ANO10: variants seen among roughly 807,000 people sequenced by gnomAD.
ANO10 encodes the protein anoctamin 10.
Under a neutral mutation model 74.7 loss-of-function variants are expected in ANO10, and 77 were observed. The ratio of observed to expected loss-of-function variants is 1.03; its 90% CI spans 0.86 to 1.25. The LOEUF is 1.25. Ranked by LOEUF, ANO10 falls within the 50% of genes most tolerant of loss-of-function variation. ANO10 has a pLI of 0.00. For synonymous variants in ANO10, 279 were observed against 284.9 expected, an observed-to-expected ratio of 0.98 and a Z score of 0.21; for missense variants, 721 against 778.1, an observed-to-expected ratio of 0.93 and a Z score of 0.87.
intron 1 of ANO10, among the ~76,000 whole-genome samples, chr3:43,643,161 A>T (rs981834631): frequency 6.6e-6 from 1 of 151,430 alleles, no homozygotes; most frequent in Non-Finnish European, 1.5e-5. Flanking sequence ...CCTCCCGAGT[A>T]GCTGGGACTA....
chr3:43,438,619 C>T (rs2093111492), intron 11 of ANO10, among the ~76,000 whole-genome samples: 1 of 151,844 alleles, frequency 6.6e-6, no homozygotes, highest in African/African-American at 2.4e-5. Flanking sequence ...TGGTGGCAGC[C>T]ACCTGTAATC....
At chr3:43,378,129 CACA>C (rs1469855608) in intron 12 of ANO10, among the ~76,000 whole-genome samples, 2 of 152,234 alleles carry the variant, frequency 1.3e-5, no homozygotes, top group Non-Finnish European at 2.9e-5. Flanking sequence ...TCAGTTTCAA[CACA>C]ACTTAGTAAA....
chr3:43,551,924 A>C (rs974595314), intron 10 of ANO10, among the ~76,000 whole-genome samples: 20 of 152,144 alleles, frequency 1.3e-4, no homozygotes, highest in Admixed American at 2.6e-4. Flanking sequence ...TTTACAGGTA[A>C]TGTAGTTATT....
At chr3:43,538,873 G>A (rs2078833560) in intron 11 of ANO10, among the ~76,000 whole-genome samples, 1 of 152,176 alleles carries the variant, frequency 6.6e-6, no homozygotes, top group Non-Finnish European at 1.5e-5. Flanking sequence ...CTCACAATAA[G>A]AAGATACAGT....
chr3:43,407,124 G>T (rs189163301), intron 12 of ANO10, among the ~76,000 whole-genome samples: 21 of 152,192 alleles, frequency 1.4e-4, no homozygotes, highest in Admixed American at 1.3e-3. Flanking sequence ...GGCTGGTCTG[G>T]AACTCTTGAC....
chr3:43,679,294 T>A (rs1559398766), intron 1 of ANO10, among the ~76,000 whole-genome samples: 1 of 152,178 alleles, frequency 6.6e-6, no homozygotes, highest in Non-Finnish European at 1.5e-5. Context: ...GGAGATTATA[T>A]CCCGTGCATG....
chr3:43,667,205 C>A (rs1334020602), intron 1 of ANO10, among the ~76,000 whole-genome samples: 1 of 150,406 alleles, frequency 6.6e-6, no homozygotes, highest in Non-Finnish European at 1.5e-5. Flanking sequence ...ATTCTCCTGC[C>A]TCAGCCTCCT....
At chr3:43,378,670 C>A (rs186441896) in intron 12 of ANO10, among the ~76,000 whole-genome samples, 1 of 152,280 alleles carries the variant, frequency 6.6e-6, no homozygotes, top group East Asian at 1.9e-4. Flanking sequence ...CCCTTCCCCC[C>A]AGAGCAGGGC....
intron 11 of ANO10, among the ~76,000 whole-genome samples, chr3:43,472,935 T>C (rs1407146101): frequency 1.3e-5 from 2 of 152,218 alleles, no homozygotes; most frequent in Non-Finnish European, 2.9e-5. Context: ...TGTATGTGCA[T>C]GTATATACAT....
intron 1 of ANO10, among the ~76,000 whole-genome samples, chr3:43,688,908 T>C (rs374595740): frequency 6.6e-6 from 1 of 151,714 alleles, no homozygotes; most frequent in East Asian, 1.9e-4. Context: ...AATTGGCTCA[T>C]GGTTCTGCAG....
intron 11 of ANO10, among the ~76,000 whole-genome samples, chr3:43,461,226 A>G (rs920489143): frequency 1.3e-5 from 2 of 152,226 alleles, no homozygotes; most frequent in African/African-American, 4.8e-5. Context: ...CCATAACAAG[A>G]AAATAATGTG....
chr3:43,596,932 C>A (rs575677890), intron 4 of ANO10, among the ~76,000 whole-genome samples: 60 of 152,266 alleles, frequency 3.9e-4, no homozygotes, highest in African/African-American at 1.4e-3. Flanking sequence ...AATCAAACAA[C>A]CCCATCGAAA....
At chr3:43,494,658 T>C (rs1314571153) in intron 11 of ANO10, among the ~76,000 whole-genome samples, 3 of 152,050 alleles carry the variant, frequency 2.0e-5, no homozygotes, top group Admixed American at 6.6e-5. Context: ...AAAATGAAGA[T>C]TGATTAGAAA....
rs1433732997 is a variant in ANO10, at chr3:43,549,866, G to T, written c.1669-18C>A. ...AAAGCCAACTAAAAGAAAAAAGAAT[G>T]GAAATTAAAAATTGCAATGACTGCT... On this transcript the variant is annotated intron_variant, in intron 10 of 12. Coordinates refer to ENST00000292246, the MANE Select transcript of ANO10 (RefSeq NM_018075.5). 3.7e-6 allele frequency: 6 copies of T among 1,613,012 alleles called. No homozygotes were observed. The Admixed American group carries it at 1.0e-4, about 27-fold the overall frequency.
At chr3:43,464,552 T>G (rs1056596647) in intron 11 of ANO10, among the ~76,000 whole-genome samples, 3 of 152,096 alleles carry the variant, frequency 2.0e-5, no homozygotes, top group Non-Finnish European at 4.4e-5. Flanking sequence ...TGTTGGCACA[T>G]GCCTATAGTC....
At chr3:43,594,988 T>C (rs2082003700) in intron 4 of ANO10, among the ~76,000 whole-genome samples, 1 of 152,308 alleles carries the variant, frequency 6.6e-6, no homozygotes, top group African/African-American at 2.4e-5. Context: ...TGAACAACTC[T>C]ACGCAAATAA....
intron 9 of ANO10, among the ~76,000 whole-genome samples, chr3:43,558,998 C>T (rs1465493802): frequency 3.3e-5 from 5 of 152,212 alleles, no homozygotes; most frequent in African/African-American, 9.7e-5. Flanking sequence ...CTTTACTTCA[C>T]ATCAGAGAAC....
intron 1 of ANO10, among the ~76,000 whole-genome samples, chr3:43,645,201 A>G (rs1340963364): frequency 6.6e-6 from 1 of 152,210 alleles, no homozygotes; most frequent in Non-Finnish European, 1.5e-5. Flanking sequence ...GGTTGGCTTC[A>G]GAAAGCAAAC....
intron 4 of ANO10, 98 bp downstream of exon 4, chr3:43,598,433 TG>T: frequency 8.5e-7 from 1 of 1,169,618 alleles, no homozygotes; most frequent in Non-Finnish European, 1.2e-6. Flanking sequence ...TACAAGTTAT[TG>T]TAAGTTTGTG....
Sources: gnomAD v4.1 joint callset for allele counts (sites outside exome capture counted in the v4.1 genomes callset) on GRCh38, gnomAD v4.1.1 for gene constraint, MANE v1.5 for transcripts, NCBI Gene and HGNC (gene_info 2026-07-23, HGNC 2026-07-21) for gene names.